Variants in SCHIP1 observed in about 807,000 individuals in gnomAD.
SCHIP1 encodes schwannomin-interacting protein 1.
In SCHIP1, 8 loss-of-function variants were observed where a neutral mutation model predicts 29.7. That is an observed-to-expected ratio of 0.27 (90% CI 0.16 to 0.49). The LOEUF is 0.49. Among genes scored for constraint, SCHIP1 ranks in the 20% least tolerant of loss-of-function variants. The pLI, the probability that SCHIP1 is intolerant of heterozygous loss-of-function variation, is 0.99. For missense variants in SCHIP1, 193 were observed against 294.6 expected (o/e 0.66, Z 2.52); for synonymous variants, 76 against 94.9 (o/e 0.80, Z 1.16).
At chr3:159,573,720 A>G in the SCHIP1 span, among the ~76,000 whole-genome samples, 1 of 152,094 alleles carries the variant, frequency 6.6e-6, no homozygotes, top group African/African-American at 2.4e-5. Context: ...TCTTGGTTCC[A>G]TTCTCCTCAT....
chr3:159,343,159 G>A, the SCHIP1 span, among the ~76,000 whole-genome samples: 4 of 152,104 alleles, frequency 2.6e-5, no homozygotes, highest in Non-Finnish European at 4.4e-5. Context: ...GTTTAGAGGG[G>A]TCAGGCAACT....
chr3:159,690,206 G>T, the SCHIP1 span, among the ~76,000 whole-genome samples: 5 of 152,228 alleles, frequency 3.3e-5, no homozygotes, highest in South Asian at 1.0e-3. Context: ...GTAGAATTCG[G>T]CTGTGAATCT....
At chr3:159,330,464 T>C in the SCHIP1 span, among the ~76,000 whole-genome samples, 34 of 152,210 alleles carry the variant, frequency 2.2e-4, no homozygotes, top group African/African-American at 6.5e-4. Context: ...CTTCTTTTGG[T>C]GCAGTTGAGG....
At chr3:159,562,111 G>A in the SCHIP1 span, among the ~76,000 whole-genome samples, 1 of 152,120 alleles carries the variant, frequency 6.6e-6, no homozygotes, top group African/African-American at 2.4e-5. Flanking sequence ...AGCAGGCTTT[G>A]TAATTCCTAG....
At chr3:159,611,768 C>T in the SCHIP1 span, among the ~76,000 whole-genome samples, 1 of 152,068 alleles carries the variant, frequency 6.6e-6, no homozygotes, top group Non-Finnish European at 1.5e-5. Flanking sequence ...AGTAAATTGA[C>T]CCCAAGAGTG....
At chr3:159,289,906 A>G in the SCHIP1 span, among the ~76,000 whole-genome samples, 8 of 152,210 alleles carry the variant, frequency 5.3e-5, no homozygotes. Flanking sequence ...AACATTCACA[A>G]ATAGCACTGT....
the SCHIP1 span, among the ~76,000 whole-genome samples, chr3:159,527,715 T>C: frequency 3.9e-5 from 6 of 152,366 alleles, no homozygotes; most frequent in South Asian, 8.3e-4. Context: ...AAATCTATTA[T>C]GCTAATTTGC....
At chr3:159,720,449 G>C in the SCHIP1 span, among the ~76,000 whole-genome samples, 3 of 152,034 alleles carry the variant, frequency 2.0e-5, no homozygotes, top group African/African-American at 7.2e-5. Context: ...GCCCTTCTCA[G>C]TAAATATTAG....
the SCHIP1 span, among the ~76,000 whole-genome samples, chr3:159,589,438 C>T: frequency 1.3e-5 from 2 of 152,214 alleles, no homozygotes; most frequent in Admixed American, 1.3e-4. Context: ...CTTTTCCTAA[C>T]TGAATACCCT....
At chr3:159,634,713 T>C in the SCHIP1 span, among the ~76,000 whole-genome samples, 8 of 152,350 alleles carry the variant, frequency 5.3e-5, no homozygotes, top group African/African-American at 1.4e-4. Flanking sequence ...CTTCTTCCCT[T>C]GCCCAAAGTA....
chr3:159,764,559 T>C, the SCHIP1 span: 3 of 1,602,164 alleles, frequency 1.9e-6, no homozygotes, highest in Non-Finnish European at 2.6e-6. This position sits in a 1 kb window ranked among gnomAD's most constrained non-coding sequence, Gnocchi z 6.1. Flanking sequence ...AGTGCAAATC[T>C]TCATCGTCGC....
the SCHIP1 span, among the ~76,000 whole-genome samples, chr3:159,569,481 T>G: frequency 5.6e-3 from 847 of 152,310 alleles, 10 homozygotes; most frequent in African/African-American, 0.02. Flanking sequence ...TCCATGTCCC[T>G]GCAAAGGACA....
At chr3:159,418,055 G>A in the SCHIP1 span, among the ~76,000 whole-genome samples, 1 of 152,324 alleles carries the variant, frequency 6.6e-6, no homozygotes, top group African/African-American at 2.4e-5. Flanking sequence ...ACACATTGTT[G>A]TATGGCCACT....
chr3:159,340,663 G>T, the SCHIP1 span, among the ~76,000 whole-genome samples: 1 of 151,988 alleles, frequency 6.6e-6, no homozygotes, highest in South Asian at 2.1e-4. Context: ...ATTTTTATCA[G>T]TTATTTTCAC....
the SCHIP1 span, among the ~76,000 whole-genome samples, chr3:159,657,152 T>C: frequency 2.6e-5 from 4 of 152,298 alleles, no homozygotes; most frequent in East Asian, 3.9e-4. Flanking sequence ...TATTATTTTG[T>C]TTAAAATAAG....
At chr3:159,840,264 C>G in intron 1 of SCHIP1, 4 of 1,433,252 alleles carry the variant, frequency 2.8e-6, no homozygotes, top group Non-Finnish European at 3.8e-6. Context: ...GGAGAGGAGG[C>G]CTTCCTCTTC....
the SCHIP1 span, among the ~76,000 whole-genome samples, chr3:159,352,614 A>C: frequency 6.6e-6 from 1 of 152,140 alleles, no homozygotes; most frequent in African/African-American, 2.4e-5. Context: ...TAAGCACCAC[A>C]ATAAAGAAAG....
intron 1 of SCHIP1, among the ~76,000 whole-genome samples, chr3:159,864,616 A>G (rs866295492): frequency 2.4e-4 from 36 of 152,208 alleles, no homozygotes; most frequent in South Asian, 2.1e-3. Flanking sequence ...AGTAGAAAGA[A>G]TGCTTATGGT....
At chr3:159,714,383 A>T in the SCHIP1 span, among the ~76,000 whole-genome samples, 1 of 152,192 alleles carries the variant, frequency 6.6e-6, no homozygotes, top group African/African-American at 2.4e-5. Context: ...GGCTTGTCGG[A>T]CAGTGGGTGC....
Sources: allele counts gnomAD v4.1 joint callset (sites outside exome capture counted in the v4.1 genomes callset), GRCh38; gene constraint gnomAD v4.1.1; non-coding constraint Gnocchi (gnomAD v3.1); transcripts MANE v1.5; gene names NCBI Gene and HGNC (gene_info 2026-07-23, HGNC 2026-07-21).